PTER: variants seen among roughly 807,000 people sequenced by gnomAD.
The protein encoded by PTER is N-acetyltaurine hydrolase.
In PTER, 38 loss-of-function variants were observed where a neutral mutation model predicts 29.6. The observed-to-expected ratio is 1.28, with a 90% CI of 0.99 to 1.68. The LOEUF (loss-of-function observed/expected upper bound fraction) is 1.68, where lower values mean the gene tolerates loss of function less well. PTER is among the 40% of genes most tolerant of loss of function. PTER has a pLI of 0.00. For missense variants in PTER, 482 were observed against 427.8 expected, an observed-to-expected ratio of 1.13 and a Z score of -1.12; for synonymous variants, 172 against 154.5, an observed-to-expected ratio of 1.11 and a Z score of -0.84.
downstream of PTER, among the ~76,000 whole-genome samples, chr10:16,515,727 C>T (rs934648981): frequency 1.2e-4 from 18 of 152,142 alleles, no homozygotes; most frequent in African/African-American, 4.3e-4. Flanking sequence ...TGTGATTCTG[C>T]CTTGGAAAAT....
intron 1 of PTER, among the ~76,000 whole-genome samples, chr10:16,462,761 G>T (rs537178334): frequency 2.6e-5 from 4 of 151,658 alleles, no homozygotes; most frequent in African/African-American, 9.7e-5. Flanking sequence ...AGTAGAGACG[G>T]GGTTTCACCA....
chr10:16,444,226 C>T (rs555222665), intron 1 of PTER, among the ~76,000 whole-genome samples: 1 of 152,208 alleles, frequency 6.6e-6, no homozygotes, highest in African/African-American at 2.4e-5. Context: ...AATCTCTTGA[C>T]TCGTGATCTA....
intron 1 of PTER, among the ~76,000 whole-genome samples, chr10:16,469,972 G>A (rs2133413378): frequency 6.6e-6 from 1 of 152,020 alleles, no homozygotes; most frequent in South Asian, 2.1e-4. Flanking sequence ...ATATAGAAAT[G>A]TCATGTAAAT....
At chr10:16,474,546 A>T (rs1297023718) in intron 1 of PTER, among the ~76,000 whole-genome samples, 1 of 152,012 alleles carries the variant, frequency 6.6e-6, no homozygotes, top group Non-Finnish European at 1.5e-5. Flanking sequence ...CCACCTACCC[A>T]TTTGGGGTGC....
chr10:16,486,863 T>C, intron 3 of PTER: 1 of 433,670 alleles, frequency 2.3e-6, no homozygotes. Context: ...GCATAAGTCA[T>C]TTCCTTTAAT....
chr10:16,486,619 T>C lies in PTER; in HGVS notation c.698+2T>C, dbSNP rs760714397. 2 of 1,603,366 alleles carry C rather than the reference T, an allele frequency of 1.2e-6. No homozygotes were observed. Among genetic ancestry groups the C allele is most frequent in the South Asian group, 2.2e-5 (2 of 89,994 alleles). ...AACAGTCATGTCACACCTGGATAGG[T>C]AAGTAGGCTGTCTTACAAATGGATG... On this transcript the variant is annotated splice_donor_variant, in intron 3 of 4. Coordinates refer to ENST00000535784, the MANE Select transcript of PTER (RefSeq NM_001261836.2). LOFTEE classifies it high-confidence loss of function.
chr10:16,491,210 C>G lies in PTER; in HGVS notation c.698+4593C>G, dbSNP rs145782883. Among the ~76,000 whole-genome samples the G allele has an allele frequency of 6.2e-3, 942 of 152,240 alleles. 3 individuals carry two copies. Among genetic ancestry groups the G allele is most frequent in the Non-Finnish European group, 0.011 (719 of 68,028 alleles). ...CTATCTGATGGATTATTCACGGTTC[C>G]AGTGCATGAAAAAGACATACATGAA... On this transcript the variant is annotated intron_variant, in intron 3 of 4. Transcript: ENST00000535784.
chr10:16,485,865 G>T (rs140677726), intron 2 of PTER, among the ~76,000 whole-genome samples: 1 of 152,072 alleles, frequency 6.6e-6, no homozygotes, highest in African/African-American at 2.4e-5. Context: ...AGCCTGAAAT[G>T]GGAGGTTCAC....
At chr10:16,500,430 A>G (rs574884381) in intron 3 of PTER, among the ~76,000 whole-genome samples, 21 of 151,798 alleles carry the variant, frequency 1.4e-4, no homozygotes, top group Admixed American at 6.6e-4. Context: ...TTAAAGTTTC[A>G]TTGTAGACAC....
rs781325382 is a variant in PTER, at chr10:16,511,098, G to C, written c.892G>C (p.Asp298His). 3.1e-6 allele frequency: 5 copies of C among 1,614,048 alleles called. No homozygotes were observed. In the Middle Eastern group the frequency reaches 6.6e-4, roughly 213 times the overall value. The part of the protein sequence containing the change: ...GCEDRILVAH[D>H]IHTKTRLMKY... ...TGAAGATCGAATTCTGGTAGCACAT[G>C]ACATACATACGAAAACCCGGCTGAT... Residue 298 changes from aspartate to histidine, a missense_variant, in exon 5 of 5, where the codon GAC (aspartate) becomes CAC (histidine). By Grantham distance (81) the Asp-to-His change is moderately conservative (BLOSUM62 -1). Coordinates refer to ENST00000535784, the MANE Select transcript of PTER (RefSeq NM_001261836.2).
chr10:16,463,075 C>G (rs1163853809), intron 1 of PTER, among the ~76,000 whole-genome samples: 1 of 151,756 alleles, frequency 6.6e-6, no homozygotes, highest in Non-Finnish European at 1.5e-5. Flanking sequence ...CACCTGTAGT[C>G]TCAGCTACTC....
At chr10:16,443,009 C>A (rs149554866) in intron 1 of PTER, among the ~76,000 whole-genome samples, 23 of 152,068 alleles carry the variant, frequency 1.5e-4, no homozygotes, top group African/African-American at 4.8e-4. Context: ...AATGTAGAGC[C>A]CCCAGGTGTA....
intron 1 of PTER, among the ~76,000 whole-genome samples, chr10:16,451,754 C>T (rs1338348845): frequency 6.6e-6 from 1 of 152,090 alleles, no homozygotes; most frequent in Admixed American, 6.6e-5. Context: ...CAGTAGTTTT[C>T]TCTGCCTAAT....
intron 1 of PTER, among the ~76,000 whole-genome samples, chr10:16,464,775 A>G (rs1311808138): frequency 2.0e-5 from 3 of 152,156 alleles, no homozygotes; most frequent in Non-Finnish European, 4.4e-5. Flanking sequence ...CTCACAGGGC[A>G]CTTGCTTTGT....
At chr10:16,515,001 G>A (rs1439439165), downstream of PTER, among the ~76,000 whole-genome samples, 2 of 151,954 alleles carry the variant, frequency 1.3e-5, no homozygotes, top group South Asian at 2.1e-4. Context: ...TGTATCACTC[G>A]TTTTTCTAAC....
chr10:16,475,866 A>T (rs1270609285), intron 1 of PTER: 1 of 152,258 alleles, frequency 6.6e-6, no homozygotes, highest in Non-Finnish European at 1.5e-5. Context: ...TAAGCAAATT[A>T]CAGCTTCAGT....
intron 1 of PTER, among the ~76,000 whole-genome samples, chr10:16,482,604 A>G (rs540371683): frequency 5.3e-5 from 8 of 152,270 alleles, no homozygotes; most frequent in African/African-American, 1.7e-4. Flanking sequence ...GGAAATGATG[A>G]CTTCAGAACA....
intron 1 of PTER, 84 bp from the exon 2 acceptor site, chr10:16,484,253 C>A: frequency 1.1e-6 from 1 of 871,802 alleles, no homozygotes; most frequent in East Asian, 2.5e-5. Flanking sequence ...TATATGTTCA[C>A]AGCCTCCCAC....
chr10:16,452,574 T>G (rs1834252269), intron 1 of PTER, among the ~76,000 whole-genome samples: 2 of 152,032 alleles, frequency 1.3e-5, no homozygotes, highest in South Asian at 4.2e-4. Context: ...AGTGCTGAGA[T>G]TTACAGGCAT....
Sources: gnomAD v4.1 joint callset for allele counts (sites outside exome capture counted in the v4.1 genomes callset) on GRCh38, gnomAD v4.1.1 for gene constraint, MANE v1.5 for transcripts, NCBI Gene and HGNC (gene_info 2026-07-23, HGNC 2026-07-21) for gene names.